The following MAX variants were observed in gnomAD, a reference collection of about 807,000 sequenced individuals.
MAX encodes the protein protein max.
A neutral mutation model predicts 22.3 loss-of-function variants in MAX; 3 were observed. The observed-to-expected ratio is 0.13, with a 90% CI of 0.06 to 0.35. MAX has a LOEUF of 0.35. Ranked by LOEUF, MAX falls within the 10% of genes least tolerant of loss-of-function variation. MAX has a pLI of 1.00. For synonymous variants in MAX, 72 were observed against 77.7 expected (o/e 0.93, Z 0.39); for missense variants, 119 against 209.4 (o/e 0.57, Z 2.66).
chr14:65,057,171 A>G (rs1382149377), intron 3 of MAX, among the ~76,000 whole-genome samples: 2 of 152,222 alleles, frequency 1.3e-5, no homozygotes, highest in African/African-American at 4.8e-5. Flanking sequence ...ACCTCTCAAC[A>G]TAGCCATCTT....
chr14:65,075,096 T>C (rs2063025386), downstream of MAX: 1 of 1,013,062 alleles, frequency 9.9e-7, no homozygotes, highest in South Asian at 4.6e-5. The surrounding 1 kb of genome is among the most constrained non-coding windows in gnomAD (Gnocchi z 4.1). Flanking sequence ...CACCTTGGCC[T>C]TAACAAGGGT....
In MAX at chr14:65,069,329, C is replaced by T. The variant is rs941189805; in HGVS notation, c.171+24379G>A. On this transcript the variant is annotated intron_variant, in intron 3 of 3. Coordinates refer to the MAX transcript ENST00000341653. The surrounding 1 kb of genome is among the most constrained non-coding windows in gnomAD (Gnocchi z 4.6). ...TGGGCAGGACAGAAGGAGAGCCCAT[C>T]AAGAGCTTGAGAAGCGATGACCTGG... Among the ~76,000 whole-genome samples, 3 of 152,154 alleles carry T rather than the reference C, an allele frequency of 2.0e-5. No individual in the cohort carries two copies. The highest frequency in any genetic ancestry group is 2.9e-5 in the Non-Finnish European group (2 of 68,022).
rs1318692209 is a variant in MAX, at chr14:65,009,717, GAACTAAACTA to G, written c.172-3443_172-3434del. ...ACTGCCTTGTACTTTTGATCCAGCT[GAACTAAACTA>G]ACTCAAATGTGTCATGGTGTTTTCT... On this transcript the variant is annotated intron_variant, in intron 3 of 3. Coordinates refer to the MAX transcript ENST00000341653. The surrounding 1 kb of genome is among the most constrained non-coding windows in gnomAD (Gnocchi z 4.2). Among the ~76,000 whole-genome samples the G allele has an allele frequency of 1.3e-5, 2 of 152,088 alleles. No homozygotes were observed. The highest frequency in any genetic ancestry group is 3.8e-4 in the East Asian group (2 of 5,202).
Position 65,054,499 on chromosome 14 carries a change from T to C in MAX, c.171+39209A>G, listed in dbSNP as rs1480987329. 2.1e-6 allele frequency: 3 copies of C among 1,428,588 alleles called. No individual in the cohort carries two copies. In the African/African-American group the frequency reaches 4.2e-5, roughly 20 times the overall value. The allele number at this position is 1,428,588 out of a possible 1,614,324, so 88.5% of individuals were successfully genotyped here. On this transcript the variant is annotated intron_variant, in intron 3 of 3. Transcript: ENST00000341653. The surrounding 1 kb of genome is among the most constrained non-coding windows in gnomAD (Gnocchi z 4.4). ...GGGACGTGTGATTGCACCAGTGGTC[T>C]CTGAATTGGTGTGGCTACATTTGTA...
rs1211840893 is a variant in MAX, at chr14:65,009,250, A to G, written c.172-2966T>C. Among the ~76,000 whole-genome samples the G allele has an allele frequency of 6.6e-6, 1 of 152,180 alleles. No homozygotes were observed. The highest frequency in any genetic ancestry group is 1.5e-5 in the Non-Finnish European group (1 of 68,026). ...GAGATTTATTTTTTCACATTTCTGG[A>G]GGCCAGAAGTCTAAGACCAAGGTGT... On this transcript the variant is annotated intron_variant, in intron 3 of 3. Transcript: ENST00000341653. The surrounding 1 kb of genome is among the most constrained non-coding windows in gnomAD (Gnocchi z 4.2).
At chr14:65,068,684 C>A (rs972019560) in intron 3 of MAX, among the ~76,000 whole-genome samples, 5 of 151,996 alleles carry the variant, frequency 3.3e-5, no homozygotes, top group African/African-American at 1.2e-4. Context: ...TTTAACAGAC[C>A]CCACACTTTC....
chr14:65,034,148 G>A (rs375572908), intron 3 of MAX, among the ~76,000 whole-genome samples: 1 of 152,040 alleles, frequency 6.6e-6, no homozygotes, highest in Non-Finnish European at 1.5e-5. Flanking sequence ...AACCCTTCAG[G>A]TAACCTGTCT....
intron 3 of MAX, among the ~76,000 whole-genome samples, chr14:65,086,942 C>T (rs553457275): frequency 4.8e-4 from 73 of 152,328 alleles, no homozygotes; most frequent in Non-Finnish European, 5.7e-4. Flanking sequence ...GGCCCAGGGT[C>T]CACAGGTTGT....
chr14:65,039,850 A>G (rs1174386149), intron 3 of MAX, among the ~76,000 whole-genome samples: 1 of 152,206 alleles, frequency 6.6e-6, no homozygotes, highest in Non-Finnish European at 1.5e-5. Flanking sequence ...TTTTGAACAA[A>G]TAGAAAAACA....
At position 65,088,172 on chromosome 14, in the gene MAX, C is replaced by T. The variant is rs1957947; in HGVS notation, c.171+5536G>A. On this transcript the variant is annotated intron_variant, in intron 3 of 4. Coordinates refer to ENST00000358664, the MANE Select transcript of MAX (RefSeq NM_002382.5). This position sits in a 1 kb window ranked among gnomAD's most constrained non-coding sequence, Gnocchi z 5.2. ...CTCAGGTATGTCTTTATCAGCAGCA[C>T]GAAAACGGACTAATACAAGGGTGTA... Among the ~76,000 whole-genome samples, 13,536 of 151,938 alleles carry T rather than the reference C, an allele frequency of 0.089. 1,318 individuals carry two copies. Among genetic ancestry groups the T allele is most frequent in the African/African-American group, 0.23 (9,526 of 41,382 alleles).
At position 65,077,663 on chromosome 14, in the gene MAX, G is replaced by A. The variant is rs575475159; in HGVS notation, c.295+250C>T. ...GAGCACCTGAGCCCCAAGAAGGGGA[G>A]AGGTCAGGCCAGAAAAGATACAAGT... On this transcript the variant is annotated intron_variant, in intron 4 of 4. Transcript: ENST00000358664. The surrounding 1 kb of genome is among the most constrained non-coding windows in gnomAD (Gnocchi z 6.3). The A allele has an allele frequency of 3.0e-5, 44 of 1,466,556 alleles. No individual in the cohort carries two copies. The African/African-American group carries it at 3.9e-4, about 13-fold the overall frequency. 90.8% of individuals were successfully genotyped at this position (1,466,556 alleles called of 1,614,324 possible).
intron 3 of MAX, among the ~76,000 whole-genome samples, chr14:65,036,272 C>T (rs2062190774): frequency 6.6e-6 from 1 of 151,154 alleles, no homozygotes; most frequent in East Asian, 2.0e-4. Flanking sequence ...GGTCTCACTT[C>T]GTCACCCAGG....
intron 3 of MAX, among the ~76,000 whole-genome samples, chr14:65,018,411 G>A (rs1458721783): frequency 1.3e-5 from 2 of 152,144 alleles, no homozygotes; most frequent in African/African-American, 4.8e-5. Flanking sequence ...TAGTTTAAAA[G>A]ATTTAATTTA....
intron 3 of MAX, among the ~76,000 whole-genome samples, chr14:65,055,965 T>C (rs2062727458): frequency 6.6e-6 from 1 of 152,188 alleles, no homozygotes; most frequent in Non-Finnish European, 1.5e-5. Flanking sequence ...CCTATTTGCC[T>C]CTTATGTAGC....
chr14:65,050,346 A>G (rs564750817), intron 3 of MAX, among the ~76,000 whole-genome samples: 1 of 152,348 alleles, frequency 6.6e-6, no homozygotes, highest in South Asian at 2.1e-4. Context: ...CTGTAATCCT[A>G]GCACTTTGGG....
rs1009989307 is a variant in MAX at position 65,027,584 on chromosome 14, A to G, written c.172-21300T>C. The G allele has an allele frequency of 1.9e-6, 3 of 1,614,108 alleles. No individual in the cohort carries two copies. Among genetic ancestry groups the G allele is most frequent in the Non-Finnish European group, 2.5e-6 (3 of 1,180,040 alleles). The stretch of plus-strand genomic sequence containing the variant: ...TGCATCATTGGCACCGAGGAGGCCT[A>G]TGACATCATTAACAGGTACAGTGAA... On this transcript the variant is annotated intron_variant, in intron 3 of 3. Transcript: ENST00000341653. The surrounding 1 kb of genome is among the most constrained non-coding windows in gnomAD (Gnocchi z 5.7).
Position 65,077,403 on chromosome 14 carries a change from A to G in MAX, c.295+510T>C. ...AGAGAAGTGAATTCCCCAGGAACAA[A>G]GAACTTGATCAGCTCTCGCTTTCCC... On this transcript the variant is annotated intron_variant, in intron 4 of 4. Transcript: ENST00000358664. This position sits in a 1 kb window ranked among gnomAD's most constrained non-coding sequence, Gnocchi z 6.3. 1 of 1,613,850 alleles carries G rather than the reference A, an allele frequency of 6.2e-7. No homozygotes were observed.
chr14:65,102,563 C>T, upstream of MAX: 1 of 1,444,744 alleles, frequency 6.9e-7, no homozygotes, highest in South Asian at 1.4e-5. Flanking sequence ...CGGCCCCCGC[C>T]ACGTGACCAG....
At chr14:65,068,854 C>A (rs1233116131) in intron 3 of MAX, among the ~76,000 whole-genome samples, 1 of 152,178 alleles carries the variant, frequency 6.6e-6, no homozygotes, top group Non-Finnish European at 1.5e-5. Flanking sequence ...ATGTTGGTTA[C>A]CCCGAGTGTG....
Sources: allele counts gnomAD v4.1 joint callset (sites outside exome capture counted in the v4.1 genomes callset), GRCh38; gene constraint gnomAD v4.1.1; non-coding constraint Gnocchi (gnomAD v3.1); transcripts MANE v1.5; gene names NCBI Gene and HGNC (gene_info 2026-07-23, HGNC 2026-07-21).